Variants in PRKG1 observed in about 807,000 individuals in gnomAD.
The protein encoded by PRKG1 is protein kinase cGMP-dependent 1.
A neutral mutation model predicts 88.1 loss-of-function variants in PRKG1; 35 were observed. That is an observed-to-expected ratio of 0.40 (90% CI 0.30 to 0.53). The LOEUF is 0.53. Ranked by LOEUF, PRKG1 falls within the 20% of genes least tolerant of loss-of-function variation. The pLI, the probability that PRKG1 is intolerant of heterozygous loss-of-function variation, is 0.59. For missense variants in PRKG1, 540 were observed against 839.8 expected, an observed-to-expected ratio of 0.64 and a Z score of 4.41; for synonymous variants, 303 against 292.5, an observed-to-expected ratio of 1.04 and a Z score of -0.37.
intron 2 of PRKG1, among the ~76,000 whole-genome samples, chr10:51,356,322 A>G (rs1302037395): frequency 6.6e-6 from 1 of 151,982 alleles, no homozygotes; most frequent in Non-Finnish European, 1.5e-5. Flanking sequence ...AAACAATTGT[A>G]TATGTAGCCC....
chr10:52,166,829 G>GTATATATATATATATA (rs550569578), intron 9 of PRKG1, among the ~76,000 whole-genome samples: 1 of 5,580 alleles, frequency 1.8e-4, no homozygotes, highest in African/African-American at 5.6e-4. Flanking sequence ...GTATATATAT[G>GTATATATATATATATA]TATATATATG....
At chr10:51,746,136 A>G (rs1331210465) in intron 3 of PRKG1, among the ~76,000 whole-genome samples, 1 of 152,122 alleles carries the variant, frequency 6.6e-6, no homozygotes, top group Non-Finnish European at 1.5e-5. Flanking sequence ...GGCATGAGCT[A>G]CAATGCATGG....
At chr10:51,400,485 T>C (rs1042360244) in intron 2 of PRKG1, among the ~76,000 whole-genome samples, 5 of 152,098 alleles carry the variant, frequency 3.3e-5, no homozygotes, top group Admixed American at 6.6e-5. Context: ...AAACAGGAAG[T>C]CAATACAAGT....
At chr10:51,537,601 C>T (rs1211176475) in intron 3 of PRKG1, among the ~76,000 whole-genome samples, 2 of 151,878 alleles carry the variant, frequency 1.3e-5, no homozygotes, top group Non-Finnish European at 1.5e-5. Context: ...TGGTGGCATG[C>T]ACCTGTATCC....
At chr10:51,107,222 T>TGGGA (rs1448820875) in intron 1 of PRKG1, among the ~76,000 whole-genome samples, 2 of 151,842 alleles carry the variant, frequency 1.3e-5, no homozygotes, top group African/African-American at 4.8e-5. Flanking sequence ...AGTGAGTGAG[T>TGGGA]GGGAATGCGG....
intron 3 of PRKG1, among the ~76,000 whole-genome samples, chr10:51,533,254 T>C (rs1842060339): frequency 1.3e-5 from 2 of 152,346 alleles, no homozygotes; most frequent in African/African-American, 2.4e-5. Flanking sequence ...AAAGTAATAG[T>C]AGTTTTGCAT....
chr10:52,031,803 G>A (rs1845481081), intron 5 of PRKG1, among the ~76,000 whole-genome samples: 1 of 152,176 alleles, frequency 6.6e-6, no homozygotes, highest in Non-Finnish European at 1.5e-5. Context: ...ACCAAAGTGT[G>A]CTATGTTAAG....
At chr10:51,213,250 A>T (rs1244023639) in intron 2 of PRKG1, among the ~76,000 whole-genome samples, 1 of 151,588 alleles carries the variant, frequency 6.6e-6, no homozygotes, top group Non-Finnish European at 1.5e-5. Context: ...TTCACTCATA[A>T]GTGGGAATTG....
chr10:51,724,841 G>C (rs942553599), intron 3 of PRKG1, among the ~76,000 whole-genome samples: 1 of 149,934 alleles, frequency 6.7e-6, no homozygotes, highest in African/African-American at 2.5e-5. Flanking sequence ...CTACAGGTGA[G>C]TGCTACCATG....
chr10:52,150,177 A>ATTATTATTATTATTATTATTATTATT (rs1554810273), intron 8 of PRKG1, among the ~76,000 whole-genome samples: 1 of 106,742 alleles, frequency 9.4e-6, no homozygotes, highest in African/African-American at 3.1e-5. Flanking sequence ...TAATAATAAT[A>ATTATTATTATTATTATTATTATTATT]ATAATAATTT....
intron 1 of PRKG1, among the ~76,000 whole-genome samples, chr10:51,137,017 T>A (rs370646028): frequency 8.5e-5 from 13 of 152,208 alleles, no homozygotes; most frequent in African/African-American, 2.9e-4. Context: ...ACCCAGTAGC[T>A]GGGACTACAG....
chr10:51,556,941 G>A (rs1645778583), intron 3 of PRKG1, among the ~76,000 whole-genome samples: 1 of 151,502 alleles, frequency 6.6e-6, no homozygotes, highest in Non-Finnish European at 1.5e-5. Flanking sequence ...GTTCAGTTAT[G>A]TTGACTTTCA....
intron 3 of PRKG1, among the ~76,000 whole-genome samples, chr10:51,773,393 C>G (rs950232368): frequency 6.6e-6 from 1 of 152,014 alleles, no homozygotes; most frequent in African/African-American, 2.4e-5. Context: ...ATTCAGGGTA[C>G]TCAAAAGCTT....
At chr10:51,787,941 T>A (rs374217332) in intron 3 of PRKG1, among the ~76,000 whole-genome samples, 1 of 152,222 alleles carries the variant, frequency 6.6e-6, no homozygotes, top group East Asian at 1.9e-4. Flanking sequence ...ATGGAAGGAC[T>A]GGAGGAGAAA....
chr10:51,627,287 A>G (rs914487191), intron 3 of PRKG1, among the ~76,000 whole-genome samples: 9 of 151,640 alleles, frequency 5.9e-5, no homozygotes, highest in Non-Finnish European at 1.0e-4. Flanking sequence ...GGATACATGG[A>G]AAAAAAATGA....
At chr10:51,461,468 G>A (rs1453594126) in intron 2 of PRKG1, among the ~76,000 whole-genome samples, 1 of 152,082 alleles carries the variant, frequency 6.6e-6, no homozygotes, top group East Asian at 1.9e-4. Context: ...CACTAAGCAA[G>A]ATACATAGCC....
chr10:51,644,779 C>T (rs570494600), intron 3 of PRKG1, among the ~76,000 whole-genome samples: 8 of 151,934 alleles, frequency 5.3e-5, no homozygotes, highest in African/African-American at 1.9e-4. Flanking sequence ...CTTCCTTCCT[C>T]GCTTCCTCCC....
chr10:52,163,175 T>C (rs980665867), intron 9 of PRKG1, among the ~76,000 whole-genome samples: 6 of 151,870 alleles, frequency 4.0e-5, no homozygotes, highest in African/African-American at 1.5e-4. Flanking sequence ...TTTTGGTATG[T>C]GACAAAATTC....
rs547657005 is a variant in PRKG1 at position 51,505,597 on chromosome 10, G to C, written c.592+37761G>C. On this transcript the variant is annotated intron_variant, in intron 3 of 17. Transcript: ENST00000373980. ...TAGAATTCGGCTATGAATCCATCTG[G>C]TCCTGGACTTTTTTTGGTTGGTAAG... 2.5e-4 allele frequency among the ~76,000 whole-genome samples: 38 copies of C among 152,152 alleles called. 1 individual carries two copies. The East Asian group carries it at 7.0e-3, about 28-fold the overall frequency.
Sources: gnomAD v4.1 joint callset for allele counts (sites outside exome capture counted in the v4.1 genomes callset) on GRCh38, gnomAD v4.1.1 for gene constraint, MANE v1.5 for transcripts, NCBI Gene and HGNC (gene_info 2026-07-23, HGNC 2026-07-21) for gene names.